The following COL3A1 variants were observed in gnomAD, a reference collection of about 807,000 sequenced individuals.
COL3A1 encodes collagen type III alpha 1 chain.
COL3A1 carries 46 observed loss-of-function variants against 200.9 expected under a neutral mutation model. The ratio of observed to expected loss-of-function variants is 0.23; its 90% CI spans 0.18 to 0.29. The LOEUF is 0.29. COL3A1 is among the 10% of genes least tolerant of loss of function. The pLI is 1.00. For missense variants in COL3A1, 1,367 were observed against 1,917.6 expected (o/e 0.71, Z 5.36); for synonymous variants, 650 against 628.0 (o/e 1.03, Z -0.52).
intron 4 of COL3A1, 62 bp downstream of exon 4, chr2:188,985,840 T>C: frequency 9.7e-7 from 1 of 1,031,794 alleles, no homozygotes; most frequent in Non-Finnish European, 1.5e-6. Context: ...TCTTCTTTCT[T>C]TACTCGATAT....
intron 16 of COL3A1, 140 bp from the exon 17 acceptor site, chr2:188,993,898 T>C (rs1462887385): frequency 2.6e-6 from 2 of 762,862 alleles, no homozygotes; most frequent in Admixed American, 2.1e-5. Flanking sequence ...ATTTCATATG[T>C]TGTGTTATAG....
chr2:188,974,980 T>C (rs937823431), intron 1 of COL3A1, among the ~76,000 whole-genome samples: 1 of 152,220 alleles, frequency 6.6e-6, no homozygotes, highest in African/African-American at 2.4e-5. Context: ...TATTGAGCAT[T>C]GTTTTCTGAA....
Position 189,001,304 on chromosome 2 carries a change from A to T in COL3A1, c.2284-93A>T. ...TTTTAAAAAGTATGTTATCTAGTTTATTAGGTATCTATGTCTATATACTTT... is the reference window on the plus strand; with the variant it reads ...TTTTAAAAAGTATGTTATCTAGTTTTTTAGGTATCTATGTCTATATACTTT... On this transcript the variant is annotated intron_variant, in intron 32 of 50. Transcript: ENST00000304636. The T allele has an allele frequency of 5.8e-6, 7 of 1,208,974 alleles. No individual in the cohort carries two copies. The South Asian group carries it at 8.9e-5, about 15-fold the overall frequency. 74.9% of individuals were successfully genotyped at this position (1,208,974 alleles called of 1,614,324 possible).
rs773096891 is a variant in COL3A1, at chr2:188,995,723, C to A, written c.1541C>A (p.Pro514His). The change falls in exon 22 of 51, where the codon CCT becomes CAT. Residue 514 changes from proline (P) to histidine (H), a missense_variant. Coordinates refer to ENST00000304636, the MANE Select transcript of COL3A1 (RefSeq NM_000090.4). ...GPAGERGAPG[P>H]AGPRGAAGEP... is the part of the protein sequence containing the mutation. Reference sequence around the variant, plus strand: ...GCTGGAGAGCGTGGTGCTCCAGGCCCTGCAGGGCCCAGAGGAGCTGCTGGA... The same window carrying A: ...GCTGGAGAGCGTGGTGCTCCAGGCCATGCAGGGCCCAGAGGAGCTGCTGGA... 3 of 1,563,054 alleles carry A rather than the reference C, an allele frequency of 1.9e-6. No individual in the cohort carries two copies. Among genetic ancestry groups the A allele is most frequent in the African/African-American group, 2.7e-5 (2 of 73,478 alleles).
At chr2:188,998,458 GAC>G in intron 28 of COL3A1, 139 bp downstream of exon 28, 1 of 948,480 alleles carries the variant, frequency 1.1e-6, no homozygotes, top group Non-Finnish European at 1.6e-6. Context: ...TCAAAACAAA[GAC>G]AAATTATTTA....
In COL3A1 at chr2:188,992,911, G is replaced by A. The variant is rs1379097833; in HGVS notation, c.1021G>A (p.Ala341Thr). The A allele has an allele frequency of 1.9e-6, 3 of 1,613,950 alleles. No individual in the cohort carries two copies. Among genetic ancestry groups the A allele is most frequent in the Non-Finnish European group, 2.5e-6 (3 of 1,179,938 alleles). ...QPGPPGPPGT[A>T]GFPGSPGAKG... ...GGGCCCTCCTGGTCCTCCTGGAACT[G>A]CCGGATTCCCTGGATCCCCTGGTGC... is the stretch of plus-strand genomic sequence containing the variant. The change falls in exon 15 of 51, where the codon GCC becomes ACC. Residue 341 changes from alanine (A) to threonine (T), a missense_variant. Ala to Thr is a moderately conservative substitution (Grantham distance 58). This residue lies in a region of COL3A1 where 462 missense variants were observed against 681.4 expected (regional missense o/e 0.68). Coordinates refer to ENST00000304636, the MANE Select transcript of COL3A1 (RefSeq NM_000090.4).
intron 10 of COL3A1, 140 bp from the exon 11 acceptor site, chr2:188,990,864 T>C: frequency 1.2e-6 from 1 of 859,004 alleles, no homozygotes; most frequent in Non-Finnish European, 1.9e-6. Flanking sequence ...TCAACCCCTT[T>C]AAACAAGTTT....
rs1294580939 is a variant in COL3A1 at position 188,988,033 on chromosome 2, G to A, written c.529-48G>A. ...CATTGCTTTGAAGCATGGATAAAGT[G>A]TATTTTGCATTCATTTATTTTGTTT... On this transcript the variant is annotated intron_variant, in intron 5 of 50. Coordinates refer to ENST00000304636, the MANE Select transcript of COL3A1 (RefSeq NM_000090.4). The A allele has an allele frequency of 5.1e-6, 7 of 1,375,482 alleles. No individual in the cohort carries two copies. In the Admixed American group the frequency reaches 6.7e-5, roughly 13 times the overall value. The allele number at this position is 1,375,482 out of a possible 1,614,324, so 85.2% of individuals were successfully genotyped here.
chr2:188,985,889 G>T, intron 4 of COL3A1, 111 bp downstream of exon 4: 1 of 753,750 alleles, frequency 1.3e-6, no homozygotes, highest in South Asian at 1.5e-5. Flanking sequence ...TCTGTTCTCT[G>T]ATTCAGTGTA....
At chr2:188,999,695 T>G in intron 31 of COL3A1, 118 bp downstream of exon 31, 1 of 1,370,898 alleles carries the variant, frequency 7.3e-7, no homozygotes, top group Non-Finnish European at 1.0e-6. Flanking sequence ...CATTTTATAG[T>G]AAGTGAAATT....
chr2:189,011,153 A>G (rs553596568), intron 50 of COL3A1, among the ~76,000 whole-genome samples: 1 of 152,354 alleles, frequency 6.6e-6, no homozygotes, highest in African/African-American at 2.4e-5. Flanking sequence ...GATAATTGGG[A>G]TAGTTACTAT....
chr2:188,995,130 TG>T (rs1389852865), intron 21 of COL3A1, 31 bp downstream of exon 21: 1 of 1,600,236 alleles, frequency 6.2e-7, no homozygotes, highest in East Asian at 2.2e-5. Context: ...TGTTCCTAAA[TG>T]CTAGCACCAC....
At chr2:189,011,287 T>C (rs887866169) in intron 50 of COL3A1, among the ~76,000 whole-genome samples, 4 of 152,236 alleles carry the variant, frequency 2.6e-5, no homozygotes, top group African/African-American at 9.6e-5. Flanking sequence ...AACTCACTTC[T>C]AATATTAGCG....
chr2:188,985,252 G>GT lies in COL3A1; in HGVS notation c.333+6dup. ...CAAGGCCCCAAGGGAGATCCAGTAA[G>GT]TAAACATTCTTCAGTAGAATAAAAT... On this transcript the variant is annotated splice_donor_region_variant and intron_variant, in intron 3 of 50. Transcript: ENST00000304636. 6.2e-7 allele frequency: 1 copy of GT among 1,606,046 alleles called. No homozygotes were observed. The highest frequency in any genetic ancestry group is 1.1e-5 in the South Asian group (1 of 90,898).
intron 6 of COL3A1, 96 bp downstream of exon 6, chr2:188,988,230 T>A: frequency 1.8e-6 from 2 of 1,084,576 alleles, no homozygotes; most frequent in Non-Finnish European, 2.8e-6. Flanking sequence ...GCATGCATAA[T>A]CCCAGTTAAC....
intron 10 of COL3A1, 51 bp downstream of exon 10, chr2:188,990,411 A>G (rs531822307): frequency 2.1e-6 from 3 of 1,421,650 alleles, no homozygotes; most frequent in East Asian, 4.6e-5. Context: ...GGCTATGTTT[A>G]CTTGCCTAAC....
intron 24 of COL3A1, among the ~76,000 whole-genome samples, chr2:188,996,882 A>G (rs1341570532): frequency 1.3e-5 from 2 of 152,028 alleles, no homozygotes; most frequent in South Asian, 2.1e-4. Flanking sequence ...CTAGCTACCC[A>G]GGAGGCTGAG....
At chr2:188,985,021 C>T (rs894157818) in intron 2 of COL3A1, 59 bp downstream of exon 2, 15 of 1,517,322 alleles carry the variant, frequency 9.9e-6, no homozygotes, top group Middle Eastern at 1.7e-4. Context: ...ATGAATAGCT[C>T]CTATATCATA....
chr2:188,991,964 G>T (rs1688199707), intron 13 of COL3A1, among the ~76,000 whole-genome samples: 1 of 152,070 alleles, frequency 6.6e-6, no homozygotes, highest in South Asian at 2.1e-4. Flanking sequence ...CATTATATCT[G>T]CATTCAGTCC....
Sources: gnomAD v4.1 joint callset for allele counts (sites outside exome capture counted in the v4.1 genomes callset) on GRCh38, gnomAD v4.1.1 for gene constraint, gnomAD v4.1.1 regional missense constraint, MANE v1.5 for transcripts, NCBI Gene and HGNC (gene_info 2026-07-23, HGNC 2026-07-21) for gene names.